The following UNC13A variants were observed in gnomAD, a reference collection of about 807,000 sequenced individuals.
UNC13A encodes unc-13 homolog A.
Under a neutral mutation model 219.7 loss-of-function variants are expected in UNC13A, and 61 were observed. That is an observed-to-expected ratio of 0.28 (90% CI 0.23 to 0.34). UNC13A has a LOEUF of 0.34. UNC13A is among the 10% of genes least tolerant of loss of function. UNC13A has a pLI of 1.00. For synonymous variants in UNC13A, 920 were observed against 884.6 expected (o/e 1.04, Z -0.71); for missense variants, 1,476 against 2,270.3 (o/e 0.65, Z 7.11).
At chr19:17,662,219 C>T (rs978506730) in intron 8 of UNC13A, among the ~76,000 whole-genome samples, 11 of 151,558 alleles carry the variant, frequency 7.3e-5, no homozygotes, top group Admixed American at 6.6e-5. Flanking sequence ...TCCATCCAGC[C>T]TGGGCAACAG....
intron 28 of UNC13A, 124 bp from the exon 29 acceptor site, chr19:17,630,874 G>A: frequency 1.2e-6 from 1 of 805,906 alleles, no homozygotes; most frequent in Non-Finnish European, 1.9e-6. Flanking sequence ...AGCTCTCCCT[G>A]CAGCCTTGAG....
In UNC13A at chr19:17,649,484, G is replaced by T. The variant is rs376972471; in HGVS notation, c.1518+25C>A. ...GCTTATAGCAGGCCTGCTCTGCTCA[G>T]GGAGTAAAGGGCGAGGGTGCTTACC... On this transcript the variant is annotated intron_variant, in intron 13 of 43. Coordinates refer to ENST00000519716, the MANE Select transcript of UNC13A (RefSeq NM_001080421.3). The surrounding 1 kb of genome is among the most constrained non-coding windows in gnomAD (Gnocchi z 4.4). 1.2e-6 allele frequency: 2 copies of T among 1,613,780 alleles called. No individual in the cohort carries two copies. Among genetic ancestry groups the T allele is most frequent in the African/African-American group, 2.7e-5 (2 of 74,908 alleles).
chr19:17,628,938 G>GA (rs1255186626), intron 31 of UNC13A, among the ~76,000 whole-genome samples: 1 of 151,626 alleles, frequency 6.6e-6, no homozygotes, highest in Admixed American at 6.6e-5. Context: ...AACATGATCA[G>GA]ACACGCACAC....
Position 17,623,520 on chromosome 19 carries a change from G to A in UNC13A, c.4203+22C>T. Reference sequence around the variant, plus strand: ...ACACAGAGAGGACGGACAGACAGACGGACAGACGGGACTCTACTTACGATC... The same window carrying A: ...ACACAGAGAGGACGGACAGACAGACAGACAGACGGGACTCTACTTACGATC... On this transcript the variant is annotated intron_variant, in intron 36 of 43. Coordinates refer to ENST00000519716, the MANE Select transcript of UNC13A (RefSeq NM_001080421.3). 3 of 1,520,996 alleles carry A rather than the reference G, an allele frequency of 2.0e-6. No homozygotes were observed. The South Asian group carries it at 3.7e-5, about 19-fold the overall frequency. 94.2% of individuals were successfully genotyped at this position (1,520,996 alleles called of 1,614,324 possible). A position where few individuals can be genotyped will look rare whatever the true frequency, so the allele number is the denominator to read the frequency against.
In UNC13A at chr19:17,655,253, AT is replaced by A; in HGVS notation, c.1392+20del. On this transcript the variant is annotated intron_variant, in intron 11 of 43. Coordinates refer to ENST00000519716, the MANE Select transcript of UNC13A (RefSeq NM_001080421.3). ...TGGCCTGGCTAAGTGTGGCAGGGGCATGGCTGGGCGTGTCACTCACCTCCTG... is the reference window on the plus strand; with the variant it reads ...TGGCCTGGCTAAGTGTGGCAGGGGCAGGCTGGGCGTGTCACTCACCTCCTG... The A allele has an allele frequency of 6.5e-7, 1 of 1,545,960 alleles. No homozygotes were observed. The highest frequency in any genetic ancestry group is 8.7e-7 in the Non-Finnish European group (1 of 1,146,180).
In UNC13A at chr19:17,627,398, T is replaced by C. The variant is rs2076794545; in HGVS notation, c.3920+111A>G. The C allele has an allele frequency of 1.2e-6, 1 of 839,194 alleles. No homozygotes were observed. The highest frequency in any genetic ancestry group is 1.9e-6 in the Non-Finnish European group (1 of 527,422). 52.0% of individuals were successfully genotyped at this position (839,194 alleles called of 1,614,324 possible). On this transcript the variant is annotated intron_variant, in intron 33 of 43. Coordinates refer to ENST00000519716, the MANE Select transcript of UNC13A (RefSeq NM_001080421.3). This position sits in a 1 kb window ranked among gnomAD's most constrained non-coding sequence, Gnocchi z 4.7. ...AGATTTGAACTCAGCCTTGTCTAAC[T>C]CTGAGCCTGCAATCTTCACCTCTAC...
intron 21 of UNC13A, 87 bp from the exon 22 acceptor site, chr19:17,640,748 T>C (rs1444645135): frequency 2.9e-6 from 4 of 1,394,220 alleles, no homozygotes; most frequent in Non-Finnish European, 3.8e-6. Flanking sequence ...AGATAGCATC[T>C]GTGAGTGGGT....
Position 17,648,912 on chromosome 19 carries a change from C to T in UNC13A, c.1596G>A (p.Leu532=). Residue 532 remains leucine, a splice_region_variant and synonymous_variant, in exon 15 of 44, where the codon CTG becomes CTA. Transcript: ENST00000519716. The stretch of plus-strand genomic sequence containing the variant: ...GGGGAAAAAGAGGTGCCCCACGCAC[C>T]AGCTCCTCGTTGTTCAACGTGCTGG... ...LASSTLNNEE[L]KNHVYKKTLQ... 1 of 1,594,000 alleles carries T rather than the reference C, an allele frequency of 6.3e-7. No individual in the cohort carries two copies. Among genetic ancestry groups the T allele is most frequent in the Non-Finnish European group, 8.5e-7 (1 of 1,171,034 alleles).
chr19:17,679,563 T>G (rs549725305), intron 1 of UNC13A, among the ~76,000 whole-genome samples: 1 of 151,220 alleles, frequency 6.6e-6, no homozygotes, highest in African/African-American at 2.4e-5. Flanking sequence ...TGGGGGGTGA[T>G]ACAAGGGGCT....
At chr19:17,662,565 C>G (rs1839555426) in intron 8 of UNC13A, among the ~76,000 whole-genome samples, 1 of 152,156 alleles carries the variant, frequency 6.6e-6, no homozygotes, top group South Asian at 2.1e-4. Flanking sequence ...AAAAAATTGT[C>G]TTCCATGAAA....
chr19:17,645,925 A>AGCAGGATGCCCCACATGGGGCCAGG, intron 18 of UNC13A, 45 bp downstream of exon 18: 1 of 1,604,430 alleles, frequency 6.2e-7, no homozygotes, highest in South Asian at 1.1e-5. Context: ...TGGCTGCCCC[A>AGCAGGATGCCCCACATGGGGCCAGG]GCAGGATGCC....
In UNC13A at chr19:17,641,576, A is replaced by T. The variant is rs755740189; in HGVS notation, c.2473-20T>A. 14 of 1,612,544 alleles carry T rather than the reference A, an allele frequency of 8.7e-6. No individual in the cohort carries two copies. The highest frequency in any genetic ancestry group is 3.3e-5 in the Admixed American group (2 of 59,950). On this transcript the variant is annotated intron_variant, in intron 20 of 43. Coordinates refer to ENST00000519716, the MANE Select transcript of UNC13A (RefSeq NM_001080421.3). ...CAGGTTCTGCCACCATGGGAGAGAA[A>T]GTGTCATGGAGAGTGCAAGGGGTCG...
intron 19 of UNC13A, among the ~76,000 whole-genome samples, chr19:17,644,457 T>A (rs1380770183): frequency 2.0e-5 from 3 of 150,426 alleles, no homozygotes; most frequent in Non-Finnish European, 4.4e-5. Flanking sequence ...CCAACCAATA[T>A]GTTGGGATAA....
At chr19:17,611,605 C>T (rs1005871285) in intron 42 of UNC13A, among the ~76,000 whole-genome samples, 158 bp downstream of exon 42, 1 of 152,256 alleles carries the variant, frequency 6.6e-6, no homozygotes, top group Admixed American at 6.5e-5. Flanking sequence ...ACTGTTTACA[C>T]TGCTGGATCC....
At position 17,604,617 on chromosome 19, in the gene UNC13A, GA is replaced by G; in HGVS notation, c.*1436del. The G allele has an allele frequency of 6.6e-6, 1 of 152,446 alleles. No individual in the cohort carries two copies. The highest frequency in any genetic ancestry group is 1.5e-5 in the Non-Finnish European group (1 of 68,142). The allele number at this position is 152,446 out of a possible 1,614,324, so 9.4% of individuals were successfully genotyped here. On this transcript the variant is annotated 3_prime_UTR_variant, in exon 44 of 44. Transcript: ENST00000519716. ...AAATCTTGTCCTTCCCAATCCAGCAGAAAAAGGCGTGCCATACACACATGTG... is the reference window on the plus strand; with the variant it reads ...AAATCTTGTCCTTCCCAATCCAGCAGAAAAGGCGTGCCATACACACATGTG...
rs1568526080 is a variant in UNC13A at position 17,649,295 on chromosome 19, GT to G, written c.1524+43del. The G allele has an allele frequency of 6.4e-7, 1 of 1,556,378 alleles. No homozygotes were observed. The highest frequency in any genetic ancestry group is 2.4e-5 in the East Asian group (1 of 42,200). Reference sequence around the variant, plus strand: ...CCTGTTAGAAGATCCCAGTGGGGGAGTTTGGGGAGAAGATCCCAAGAGGCCC... The same window carrying G: ...CCTGTTAGAAGATCCCAGTGGGGGAGTTGGGGAGAAGATCCCAAGAGGCCC... On this transcript the variant is annotated intron_variant, in intron 14 of 43. Transcript: ENST00000519716. The surrounding 1 kb of genome is among the most constrained non-coding windows in gnomAD (Gnocchi z 4.4).
chr19:17,611,035 A>AAAAC (rs879622512), intron 42 of UNC13A, among the ~76,000 whole-genome samples: 21 of 152,250 alleles, frequency 1.4e-4, no homozygotes, highest in Admixed American at 3.9e-4. Context: ...TCTGGCCTCT[A>AAAAC]AAACAAACAA....
In UNC13A at chr19:17,633,003, A is replaced by C. The variant is rs903758977; in HGVS notation, c.3302-95T>G. 3 of 1,606,998 alleles carry C rather than the reference A, an allele frequency of 1.9e-6. No homozygotes were observed. In the African/African-American group the frequency reaches 4.0e-5, roughly 22 times the overall value. ...CTACTCTGGCCATCACTGATTTCCA[A>C]CTCAGGCATGAGGGTATTATAGGGT... On this transcript the variant is annotated intron_variant, in intron 27 of 43. Transcript: ENST00000519716.
chr19:17,622,584 G>A (rs2076739873), intron 36 of UNC13A: 1 of 153,008 alleles, frequency 6.5e-6, no homozygotes. Context: ...TCTTGTAACA[G>A]CCTTGTCTTG....
Sources: gnomAD v4.1 joint callset for allele counts (sites outside exome capture counted in the v4.1 genomes callset) on GRCh38, gnomAD v4.1.1 for gene constraint, Gnocchi (gnomAD v3.1) non-coding constraint, MANE v1.5 for transcripts, NCBI Gene and HGNC (gene_info 2026-07-23, HGNC 2026-07-21) for gene names.